AKAP6: variants seen among roughly 807,000 people sequenced by gnomAD.
The protein encoded by AKAP6 is A-kinase anchor protein 6.
AKAP6 carries 58 observed loss-of-function variants against 188.5 expected under a neutral mutation model. The observed-to-expected ratio is 0.31, with a 90% CI of 0.25 to 0.38. The LOEUF is 0.38. Among genes scored for constraint, AKAP6 ranks in the 10% least tolerant of loss-of-function variants. The pLI, the probability that AKAP6 is intolerant of heterozygous loss-of-function variation, is 1.00. For missense variants in AKAP6, 2,710 were observed against 2,740.0 expected (o/e 0.99, Z 0.24); for synonymous variants, 989 against 998.6 (o/e 0.99, Z 0.18).
intron 11 of AKAP6, among the ~76,000 whole-genome samples, chr14:32,759,649 G>A (rs1013493860): frequency 2.6e-5 from 4 of 152,178 alleles, no homozygotes; most frequent in African/African-American, 9.7e-5. Context: ...CATCTGCTCA[G>A]CTTCTAGGGA....
intron 1 of AKAP6, among the ~76,000 whole-genome samples, chr14:32,413,895 A>T (rs1333311879): frequency 6.6e-6 from 1 of 151,590 alleles, no homozygotes; most frequent in African/African-American, 2.4e-5. Context: ...CACTGAGTAC[A>T]AAAGAGTCCA....
intron 8 of AKAP6, among the ~76,000 whole-genome samples, chr14:32,681,968 G>T (rs1298314807): frequency 6.6e-6 from 1 of 152,206 alleles, no homozygotes; most frequent in Admixed American, 6.5e-5. Context: ...TGGTGGAAAT[G>T]AAATGGTTCC....
intron 1 of AKAP6, among the ~76,000 whole-genome samples, chr14:32,399,147 C>A: frequency 6.6e-6 from 1 of 152,118 alleles, no homozygotes; most frequent in Non-Finnish European, 1.5e-5. Flanking sequence ...AGCCACTGTG[C>A]CTGGCCTGCC....
At chr14:32,354,170 A>T (rs1887397468) in intron 1 of AKAP6, among the ~76,000 whole-genome samples, 1 of 152,096 alleles carries the variant, frequency 6.6e-6, no homozygotes, top group Non-Finnish European at 1.5e-5. Flanking sequence ...AAGCCAAAAG[A>T]ACAAAGCTGG....
chr14:32,469,827 A>G (rs981057960), intron 2 of AKAP6, among the ~76,000 whole-genome samples: 2 of 152,096 alleles, frequency 1.3e-5, no homozygotes, highest in Non-Finnish European at 2.9e-5. Context: ...AAAATGAAAG[A>G]TTATGCCTTC....
chr14:32,785,628 G>A (rs1260435123), intron 12 of AKAP6, among the ~76,000 whole-genome samples: 1 of 152,150 alleles, frequency 6.6e-6, no homozygotes, highest in Admixed American at 6.5e-5. Flanking sequence ...GGAAGTACTT[G>A]CAAAGTGTTG....
At chr14:32,578,793 G>GGATTATTTAT (rs1884841427) in intron 5 of AKAP6, among the ~76,000 whole-genome samples, 1 of 152,132 alleles carries the variant, frequency 6.6e-6, no homozygotes, top group African/African-American at 2.4e-5. Context: ...ATTGAAAGCC[G>GGATTATTTAT]GGCTAGGAGA....
chr14:32,574,971 T>C (rs780082456), intron 4 of AKAP6, among the ~76,000 whole-genome samples: 1 of 152,164 alleles, frequency 6.6e-6, no homozygotes, highest in Non-Finnish European at 1.5e-5. Flanking sequence ...ACAGATTTAC[T>C]GTACACATCT....
chr14:32,397,052 G>C (rs1888902155), intron 1 of AKAP6, among the ~76,000 whole-genome samples: 1 of 152,154 alleles, frequency 6.6e-6, no homozygotes, highest in Admixed American at 6.5e-5. Flanking sequence ...CCTTAGACCA[G>C]TGCTTATTGA....
chr14:32,394,027 T>C (rs1271214672), intron 1 of AKAP6, among the ~76,000 whole-genome samples: 1 of 152,166 alleles, frequency 6.6e-6, no homozygotes, highest in African/African-American at 2.4e-5. Context: ...ATAATAATCA[T>C]CAAATGCTCT....
At chr14:32,545,144 G>A (rs1594728921) in intron 3 of AKAP6, 86 bp from the exon 4 acceptor site, 2 of 1,304,598 alleles carry the variant, frequency 1.5e-6, no homozygotes, top group Non-Finnish European at 2.2e-6. Flanking sequence ...CCTTTATAGT[G>A]CCCTGTACTG....
At chr14:32,417,061 C>G (rs185935959) in intron 1 of AKAP6, among the ~76,000 whole-genome samples, 1 of 152,066 alleles carries the variant, frequency 6.6e-6, no homozygotes, top group Non-Finnish European at 1.5e-5. Context: ...AGGCTGGTCT[C>G]GAGCTCCTGT....
chr14:32,504,174 C>T (rs912852368), intron 2 of AKAP6, among the ~76,000 whole-genome samples: 2 of 151,882 alleles, frequency 1.3e-5, no homozygotes, highest in Admixed American at 1.3e-4. Context: ...GGTATTTTAT[C>T]TTTGTTATTG....
intron 1 of AKAP6, among the ~76,000 whole-genome samples, chr14:32,370,856 G>A (rs1306492156): frequency 1.3e-5 from 2 of 152,170 alleles, no homozygotes; most frequent in Non-Finnish European, 2.9e-5. Context: ...TATTCGTTGT[G>A]TATTCCATTC....
intron 2 of AKAP6, among the ~76,000 whole-genome samples, chr14:32,487,743 A>T (rs7492909): frequency 0.67 from 102,259 of 152,138 alleles, 35,849 homozygotes; most frequent in East Asian, 0.89. Context: ...TCATCCTTTT[A>T]GTTGATGTTG....
intron 3 of AKAP6, among the ~76,000 whole-genome samples, chr14:32,542,248 A>T (rs544196421): frequency 6.6e-6 from 1 of 152,334 alleles, no homozygotes; most frequent in East Asian, 1.9e-4. Context: ...GGAGTTAACT[A>T]AAACTATGTA....
rs1239469904 is a variant in AKAP6, at chr14:32,600,621, T to C, written c.2567-8T>C. On this transcript the variant is annotated splice_region_variant and splice_polypyrimidine_tract_variant and intron_variant, in intron 6 of 13. Transcript: ENST00000280979. ...CACAACTTCTGCTTTCCCCTCCTTT[T>C]GGAGAAGGACTGAAGGACATGCTGC... is the stretch of plus-strand genomic sequence containing the variant. 4 of 1,597,442 alleles carry C rather than the reference T, an allele frequency of 2.5e-6. No individual in the cohort carries two copies. Among genetic ancestry groups the C allele is most frequent in the Non-Finnish European group, 3.4e-6 (4 of 1,171,016 alleles).
chr14:32,607,331 A>G (rs2139371331), intron 7 of AKAP6, among the ~76,000 whole-genome samples: 1 of 152,354 alleles, frequency 6.6e-6, no homozygotes, highest in East Asian at 1.9e-4. Context: ...ATGTGTCGTC[A>G]GTCCCACATA....
At chr14:32,443,254 C>T (rs1405577482) in intron 2 of AKAP6, among the ~76,000 whole-genome samples, 4 of 151,956 alleles carry the variant, frequency 2.6e-5, no homozygotes, top group South Asian at 2.1e-4. Context: ...ATTTGCTGGG[C>T]GTGGTGGTGG....
Sources: allele counts gnomAD v4.1 joint callset (sites outside exome capture counted in the v4.1 genomes callset), GRCh38; gene constraint gnomAD v4.1.1; transcripts MANE v1.5; gene names NCBI Gene and HGNC (gene_info 2026-07-23, HGNC 2026-07-21).